Variants in ADK observed in about 807,000 individuals in gnomAD.
ADK encodes adenosine kinase, also known as N6,N6-dimethyladenosine kinase.
Under a neutral mutation model 44.7 loss-of-function variants are expected in ADK, and 24 were observed. That is an observed-to-expected ratio of 0.54 (90% confidence interval 0.39 to 0.76). The LOEUF is 0.76. ADK is among the 30% of genes least tolerant of loss of function. ADK has a pLI of 0.00. For missense variants in ADK, 321 were observed against 425.1 expected (o/e 0.76, Z 2.15); for synonymous variants, 128 against 142.6 (o/e 0.90, Z 0.73).
At position 74,493,167 on chromosome 10, in the gene ADK, C is replaced by CATTTT. The variant is rs535964889; in HGVS notation, c.556-32072_556-32068dup. ...AAATCATGTAGGGTATAAGATAATG[C>CATTTT]ATTTTATTTTATTTTATTTTACTTT... On this transcript the variant is annotated intron_variant, in intron 6 of 10. Coordinates refer to ENST00000539909, the MANE Select transcript of ADK (RefSeq NM_006721.4). Among the ~76,000 whole-genome samples the CATTTT allele has an allele frequency of 1.5e-3, 234 of 151,854 alleles. 1 individual carries two copies. Among genetic ancestry groups the CATTTT allele is most frequent in the Non-Finnish European group, 2.2e-3 (147 of 67,956 alleles).
intron 9 of ADK, among the ~76,000 whole-genome samples, chr10:74,623,045 T>G (rs1853055595): frequency 6.6e-6 from 1 of 152,018 alleles, no homozygotes; most frequent in South Asian, 2.1e-4. Context: ...GAACCCGGCT[T>G]CTTGAATCCC....
At chr10:74,260,993 A>T (rs938210984) in intron 3 of ADK, among the ~76,000 whole-genome samples, 21 of 152,222 alleles carry the variant, frequency 1.4e-4, no homozygotes, top group African/African-American at 5.1e-4. Flanking sequence ...AACCAATTTT[A>T]GATGTTATCT....
chr10:74,396,587 A>T (rs139498557), intron 5 of ADK, among the ~76,000 whole-genome samples: 1 of 152,296 alleles, frequency 6.6e-6, no homozygotes, highest in East Asian at 1.9e-4. Flanking sequence ...TGTTTGGGTA[A>T]TGCAGTATCT....
At chr10:74,183,766 C>T (rs919847819) in intron 1 of ADK, among the ~76,000 whole-genome samples, 6 of 151,964 alleles carry the variant, frequency 3.9e-5, no homozygotes, top group Non-Finnish European at 7.4e-5. Context: ...CCTCGGCCTC[C>T]CAAAGTGCTG....
At chr10:74,439,237 T>C (rs2133125076) in intron 6 of ADK, among the ~76,000 whole-genome samples, 1 of 152,374 alleles carries the variant, frequency 6.6e-6, no homozygotes, top group African/African-American at 2.4e-5. Context: ...CTAGGCTTTC[T>C]AGAGCATAAT....
At chr10:74,511,222 T>C (rs1263012966) in intron 6 of ADK, among the ~76,000 whole-genome samples, 1 of 152,254 alleles carries the variant, frequency 6.6e-6, no homozygotes, top group African/African-American at 2.4e-5. Flanking sequence ...TTGGTCTATA[T>C]GTCTGTTTTT....
At chr10:74,224,453 T>C in intron 2 of ADK, 85 bp from the exon 3 acceptor site, 2 of 1,004,832 alleles carry the variant, frequency 2.0e-6, no homozygotes, top group Non-Finnish European at 3.1e-6. Flanking sequence ...ATAACAGTGT[T>C]GGAGTGCTTG....
At chr10:74,323,481 A>C (rs1039885735) in intron 4 of ADK, among the ~76,000 whole-genome samples, 1 of 152,218 alleles carries the variant, frequency 6.6e-6, no homozygotes, top group African/African-American at 2.4e-5. Flanking sequence ...ACCTGTTTAA[A>C]ATGTATAATC....
At chr10:74,631,793 C>T (rs1853434280) in intron 9 of ADK, among the ~76,000 whole-genome samples, 1 of 152,110 alleles carries the variant, frequency 6.6e-6, no homozygotes, top group Non-Finnish European at 1.5e-5. Context: ...TTCTAAAAGT[C>T]AAGAACTATT....
At chr10:74,449,499 T>C (rs914968138) in intron 6 of ADK, among the ~76,000 whole-genome samples, 1 of 152,218 alleles carries the variant, frequency 6.6e-6, no homozygotes, top group Non-Finnish European at 1.5e-5. Flanking sequence ...AAATAGAAAG[T>C]TCAGGGCATT....
At chr10:74,680,431 T>C (rs1855563066) in intron 10 of ADK, among the ~76,000 whole-genome samples, 1 of 152,050 alleles carries the variant, frequency 6.6e-6, no homozygotes. Context: ...TAAAAGCATA[T>C]AAAAGTTCCA....
intron 9 of ADK, among the ~76,000 whole-genome samples, chr10:74,636,039 C>T (rs542324065): frequency 1.4e-4 from 21 of 151,826 alleles, no homozygotes; most frequent in African/African-American, 4.1e-4. Flanking sequence ...AACAGTCAGC[C>T]GTGATCACAC....
chr10:74,280,831 G>C (rs1034440667), intron 3 of ADK, among the ~76,000 whole-genome samples: 1 of 152,168 alleles, frequency 6.6e-6, no homozygotes, highest in African/African-American at 2.4e-5. Context: ...GTTCATGCAT[G>C]TATTAAGTCC....
chr10:74,601,469 A>G (rs1278000557), intron 9 of ADK, among the ~76,000 whole-genome samples: 1 of 152,076 alleles, frequency 6.6e-6, no homozygotes, highest in Non-Finnish European at 1.5e-5. Context: ...CAACTTTCTT[A>G]TTTCAGAATG....
intron 6 of ADK, among the ~76,000 whole-genome samples, chr10:74,510,037 A>G (rs1048028821): frequency 2.0e-5 from 3 of 152,182 alleles, no homozygotes; most frequent in Non-Finnish European, 2.9e-5. Context: ...TAGTGCTGCA[A>G]TAAGCATAGG....
intron 9 of ADK, among the ~76,000 whole-genome samples, chr10:74,661,681 C>G (rs1854735865): frequency 6.6e-6 from 1 of 152,118 alleles, no homozygotes; most frequent in Admixed American, 6.5e-5. Flanking sequence ...GACATACACA[C>G]CTTTCTTTTC....
intron 5 of ADK, 115 bp from the exon 6 acceptor site, chr10:74,398,356 G>A (rs955882160): frequency 3.8e-5 from 21 of 552,168 alleles, no homozygotes; most frequent in Non-Finnish European, 6.0e-5. Flanking sequence ...CATTAGTTTT[G>A]AAGAATTAAT....
chr10:74,565,564 C>T (rs1310417921), intron 7 of ADK, among the ~76,000 whole-genome samples: 1 of 151,524 alleles, frequency 6.6e-6, no homozygotes, highest in African/African-American at 2.4e-5. Flanking sequence ...TCCATCTCTA[C>T]TAAAAATACA....
At chr10:74,437,719 A>G (rs1033644460) in intron 6 of ADK, among the ~76,000 whole-genome samples, 1 of 152,216 alleles carries the variant, frequency 6.6e-6, no homozygotes, top group African/African-American at 2.4e-5. Flanking sequence ...GCCTTTTAAA[A>G]ATGCAAACCA....
Sources: allele counts gnomAD v4.1 joint callset (sites outside exome capture counted in the v4.1 genomes callset), GRCh38; gene constraint gnomAD v4.1.1; transcripts MANE v1.5; gene names NCBI Gene and HGNC (gene_info 2026-07-23, HGNC 2026-07-21).